BCL2L13: variants seen among roughly 807,000 people sequenced by gnomAD.
BCL2L13 encodes the protein bcl-2-like protein 13.
Under a neutral mutation model 25.8 loss-of-function variants are expected in BCL2L13, and 13 were observed. The ratio of observed to expected loss-of-function variants is 0.50; its 90% CI spans 0.33 to 0.80. BCL2L13 has a LOEUF of 0.80. Among genes scored for constraint, BCL2L13 ranks in the 30% least tolerant of loss-of-function variants. The probability of loss-of-function intolerance (pLI) is 0.02; values close to 1 mark genes in which losing one functional copy is unlikely to be tolerated. For synonymous variants in BCL2L13, 244 were observed against 230.3 expected (o/e 1.06, Z -0.54); for missense variants, 504 against 574.9 (o/e 0.88, Z 1.26).
chr22:17,669,608 C>T (rs1427703360), intron 2 of BCL2L13, among the ~76,000 whole-genome samples: 1 of 152,200 alleles, frequency 6.6e-6, no homozygotes, highest in Non-Finnish European at 1.5e-5. Context: ...AAACACCTCC[C>T]ATTAATCCCC....
chr22:17,674,441 C>T (rs1339147865), intron 2 of BCL2L13, among the ~76,000 whole-genome samples: 3 of 151,830 alleles, frequency 2.0e-5, no homozygotes, highest in Non-Finnish European at 4.4e-5. Context: ...CCTGTCTCTA[C>T]TAAAAATATA....
In BCL2L13 at chr22:17,651,542, C is replaced by T. The variant is rs998945436; in HGVS notation, c.-50-4120C>T. Among the ~76,000 whole-genome samples the T allele has an allele frequency of 6.6e-5, 10 of 150,480 alleles. No individual in the cohort carries two copies. In the East Asian group the frequency reaches 1.2e-3, roughly 18 times the overall value. On this transcript the variant is annotated intron_variant, in intron 1 of 6. Coordinates refer to ENST00000317582, the MANE Select transcript of BCL2L13 (RefSeq NM_015367.4). The stretch of plus-strand genomic sequence containing the variant: ...GATTACAGGTGCCTGCCACTGTGCC[C>T]GGCTAATTTTTGTATTTTTAGTAGA...
At chr22:17,664,381 G>A (rs568446811) in intron 2 of BCL2L13, among the ~76,000 whole-genome samples, 12 of 151,278 alleles carry the variant, frequency 7.9e-5, no homozygotes, top group African/African-American at 2.9e-4. Context: ...GCCTTGGAGA[G>A]CTCCACCTGT....
At position 17,719,153 on chromosome 22, in the gene BCL2L13, CAAAAAAA is replaced by C. The variant is rs59630355; in HGVS notation, c.601-7506_601-7500del. 3.5e-4 allele frequency among the ~76,000 whole-genome samples: 16 copies of C among 45,506 alleles called. No homozygotes were observed. In the East Asian group the frequency reaches 7.1e-3, roughly 20 times the overall value. 29.9% of individuals were successfully genotyped at this position (45,506 alleles called of 152,430 possible). On this transcript the variant is annotated intron_variant, in intron 6 of 6. Transcript: ENST00000317582. ...TGGGAGACAAAGCAAGGCTCTGTCT[CAAAAAAA>C]AAAAAAAAAAAAAAAAAGAATAAAA...
intron 6 of BCL2L13, among the ~76,000 whole-genome samples, chr22:17,711,538 A>G (rs2060762348): frequency 6.6e-6 from 1 of 151,996 alleles, no homozygotes; most frequent in African/African-American, 2.4e-5. Context: ...GGCTCAAGTG[A>G]TTGCCTGCCT....
intron 6 of BCL2L13, among the ~76,000 whole-genome samples, chr22:17,725,514 A>G (rs2061270893): frequency 1.3e-5 from 2 of 152,096 alleles, no homozygotes; most frequent in South Asian, 2.1e-4. Context: ...CCTCTACCCA[A>G]AGAGGTCTTT....
chr22:17,691,570 T>C (rs2060105884), intron 4 of BCL2L13, among the ~76,000 whole-genome samples: 1 of 152,086 alleles, frequency 6.6e-6, no homozygotes, highest in Non-Finnish European at 1.5e-5. Flanking sequence ...GGTGTGAACC[T>C]GGGAGGCGGA....
chr22:17,635,734 G>A (rs2058092572), upstream of BCL2L13, among the ~76,000 whole-genome samples: 1 of 151,348 alleles, frequency 6.6e-6, no homozygotes, highest in Non-Finnish European at 1.5e-5. Context: ...TTTTTAGACA[G>A]AGTCTCACTC....
At chr22:17,716,668 T>C (rs2060953908) in intron 6 of BCL2L13, among the ~76,000 whole-genome samples, 1 of 152,244 alleles carries the variant, frequency 6.6e-6, no homozygotes. Flanking sequence ...TAATGTATCA[T>C]TCTAAATATT....
At chr22:17,653,734 T>C (rs915490917) in intron 1 of BCL2L13, among the ~76,000 whole-genome samples, 3 of 151,968 alleles carry the variant, frequency 2.0e-5, no homozygotes, top group African/African-American at 4.8e-5. Flanking sequence ...GAATTCCTGG[T>C]GTCAAGTGAT....
At chr22:17,679,640 GA>G (rs936651834) in intron 2 of BCL2L13, among the ~76,000 whole-genome samples, 196 of 151,052 alleles carry the variant, frequency 1.3e-3, no homozygotes, top group East Asian at 4.1e-3. Context: ...GAAAGTAGAA[GA>G]AAAAAAAATT....
rs530618177 is a variant in BCL2L13 at position 17,630,230 on chromosome 22, A to C, written c.-650+1225A>C. The stretch of plus-strand genomic sequence containing the variant: ...GAGACTCCGTCTCAAAAAAACAAAA[A>C]AAAAAAAAACAAATTCCTTTGTCCC... On this transcript the variant is annotated intron_variant, in intron 1 of 6. Transcript: ENST00000399782. Among the ~76,000 whole-genome samples, 735 of 151,246 alleles carry C rather than the reference A, an allele frequency of 4.9e-3. 16 individuals carry two copies. The highest frequency in any genetic ancestry group is 0.016 in the African/African-American group (656 of 41,294).
intron 6 of BCL2L13, among the ~76,000 whole-genome samples, chr22:17,713,168 A>G (rs2145769738): frequency 6.6e-6 from 1 of 152,330 alleles, no homozygotes; most frequent in Non-Finnish European, 1.5e-5. Context: ...CCTCCATGTT[A>G]CATAATCTCC....
chr22:17,688,424 T>C (rs1415065880), intron 3 of BCL2L13, among the ~76,000 whole-genome samples: 1 of 152,198 alleles, frequency 6.6e-6, no homozygotes, highest in East Asian at 1.9e-4. Context: ...GTTTTATAAA[T>C]GTAAAACAAA....
chr22:17,693,383 T>TG (rs1245735195), intron 4 of BCL2L13, among the ~76,000 whole-genome samples: 1 of 129,594 alleles, frequency 7.7e-6, no homozygotes, highest in African/African-American at 3.0e-5. Flanking sequence ...TTTTTTTTTT[T>TG]TTTTTTTTTT....
intron 1 of BCL2L13, among the ~76,000 whole-genome samples, chr22:17,651,360 C>G (rs1463514748): frequency 7.4e-6 from 1 of 135,268 alleles, no homozygotes; most frequent in Admixed American, 8.1e-5. Context: ...GTATCTCCAG[C>G]CTAGACCTAT....
chr22:17,692,214 A>C (rs2060126520), intron 4 of BCL2L13: 1 of 152,196 alleles, frequency 6.6e-6, no homozygotes, highest in Non-Finnish European at 1.5e-5. Flanking sequence ...TCTTTGCTCT[A>C]TTCTAATAGC....
chr22:17,653,658 C>G (rs2058758435), intron 1 of BCL2L13, among the ~76,000 whole-genome samples: 1 of 151,840 alleles, frequency 6.6e-6, no homozygotes, highest in Admixed American at 6.6e-5. Flanking sequence ...GCGCATGCCA[C>G]CACACCCAGG....
intron 1 of BCL2L13, among the ~76,000 whole-genome samples, chr22:17,646,930 T>TAC (rs1780830682): frequency 7.2e-5 from 5 of 69,342 alleles, no homozygotes; most frequent in East Asian, 6.4e-4. Flanking sequence ...GTGTATAAAC[T>TAC]ACATATATAT....
Sources: gnomAD v4.1 joint callset for allele counts (sites outside exome capture counted in the v4.1 genomes callset) on GRCh38, gnomAD v4.1.1 for gene constraint, MANE v1.5 for transcripts, NCBI Gene and HGNC (gene_info 2026-07-23, HGNC 2026-07-21) for gene names.